PRORP: variants seen among roughly 807,000 people sequenced by gnomAD.
The protein encoded by PRORP is protein only RNase P catalytic subunit, also known as mitochondrial ribonuclease P catalytic subunit.
PRORP carries 51 observed loss-of-function variants against 59.4 expected under a neutral mutation model. The observed-to-expected ratio is 0.86, with a 90% CI of 0.69 to 1.08. The LOEUF (loss-of-function observed/expected upper bound fraction) is 1.08. PRORP is among the 50% of genes least tolerant of loss of function. PRORP has a pLI of 0.00. For synonymous variants in PRORP, 231 were observed against 245.6 expected (o/e 0.94, Z 0.55); for missense variants, 646 against 690.3 (o/e 0.94, Z 0.72).
chr14:35,203,170 T>C (rs2049201208), intron 5 of PRORP, among the ~76,000 whole-genome samples: 1 of 152,228 alleles, frequency 6.6e-6, no homozygotes, highest in African/African-American at 2.4e-5. Context: ...GAGAACTTTT[T>C]TCCATACTTG....
chr14:35,141,106 C>T, intron 4 of PRORP, among the ~76,000 whole-genome samples: 1 of 145,970 alleles, frequency 6.9e-6, no homozygotes, highest in South Asian at 2.2e-4. Context: ...AAATAATTTG[C>T]ATCTACTGAT....
In PRORP at chr14:35,259,855, A is replaced by C. The variant is rs377059118; in HGVS notation, c.1276-6872A>C. Among the ~76,000 whole-genome samples, 56 of 152,328 alleles carry C rather than the reference A, an allele frequency of 3.7e-4. 1 individual carries two copies. The East Asian group carries it at 3.9e-3, about 10-fold the overall frequency. On this transcript the variant is annotated intron_variant, in intron 5 of 7. Transcript: ENST00000534898. ...AGTTGCAGTGAGCCGAGATCAGACT[A>C]CTGCACTCCAGCCTGGCGGACAGCG... is the stretch of plus-strand genomic sequence containing the variant.
At chr14:35,200,660 T>C (rs1420643149) in intron 5 of PRORP, among the ~76,000 whole-genome samples, 1 of 151,550 alleles carries the variant, frequency 6.6e-6, no homozygotes, top group Non-Finnish European at 1.5e-5. Flanking sequence ...GAGAAAATTA[T>C]ATATATGTTA....
chr14:35,205,852 C>G (rs938047899), intron 5 of PRORP, among the ~76,000 whole-genome samples: 1 of 152,074 alleles, frequency 6.6e-6, no homozygotes, highest in Middle Eastern at 3.2e-3. Flanking sequence ...TTGGGGGTTC[C>G]TCTCCAGGAA....
At chr14:35,198,898 G>A (rs1439849394) in intron 5 of PRORP, among the ~76,000 whole-genome samples, 1 of 152,202 alleles carries the variant, frequency 6.6e-6, no homozygotes, top group Non-Finnish European at 1.5e-5. Context: ...CGGGCGTGGT[G>A]GCTTACGCCT....
intron 3 of PRORP, among the ~76,000 whole-genome samples, chr14:35,127,064 A>G (rs1011898421): frequency 2.0e-5 from 3 of 152,192 alleles, no homozygotes; most frequent in Non-Finnish European, 2.9e-5. Context: ...TTAATTCACC[A>G]ATATGATATT....
rs2051180608 is a variant in PRORP at position 35,271,220 on chromosome 14, G to T, written c.1620+624G>T. On this transcript the variant is annotated intron_variant, in intron 7 of 7. Coordinates refer to ENST00000534898, the MANE Select transcript of PRORP (RefSeq NM_014672.4). The stretch of plus-strand genomic sequence containing the variant: ...GTCGCCCAGGCTGGAGTGCAGTGGT[G>T]CAATCTCAGCTCACTACAGCCTCCG... Among the ~76,000 whole-genome samples, 5 of 141,038 alleles carry T rather than the reference G, an allele frequency of 3.5e-5. No homozygotes were observed. In the South Asian group the frequency reaches 9.1e-4, roughly 26 times the overall value. 92.5% of individuals were successfully genotyped at this position (141,038 alleles called of 152,430 possible). A position where few individuals can be genotyped will look rare whatever the true frequency, so the allele number is the denominator to read the frequency against.
At chr14:35,136,284 C>A (rs1469221819) in intron 4 of PRORP, among the ~76,000 whole-genome samples, 2 of 152,160 alleles carry the variant, frequency 1.3e-5, no homozygotes, top group Non-Finnish European at 2.9e-5. Flanking sequence ...CTCCCTAATT[C>A]CTTTTCTTTT....
rs2051292005 is a variant in PRORP at position 35,276,169 on chromosome 14, T to C, written c.*2603T>C. 1 of 152,306 alleles carries C rather than the reference T, an allele frequency of 6.6e-6. No homozygotes were observed. The highest frequency in any genetic ancestry group is 2.4e-5 in the African/African-American group (1 of 41,418). The allele number at this position is 152,306 out of a possible 1,614,324, so 9.4% of individuals were successfully genotyped here. A position where few individuals can be genotyped will look rare whatever the true frequency, so the allele number is the denominator to read the frequency against. ...AAAAAATTTAAAAATTAGCTGGGCA[T>C]GGTAGCACATGCCTGTGGTCCCAGC... On this transcript the variant is annotated 3_prime_UTR_variant, in exon 8 of 8. Transcript: ENST00000534898.
chr14:35,134,231 A>G (rs2047319731), intron 4 of PRORP, among the ~76,000 whole-genome samples: 1 of 152,104 alleles, frequency 6.6e-6, no homozygotes, highest in Non-Finnish European at 1.5e-5. Flanking sequence ...CGTTTCCAAA[A>G]GCAGAGGAGC....
intron 5 of PRORP, among the ~76,000 whole-genome samples, chr14:35,254,128 C>G (rs1266517382): frequency 6.6e-6 from 1 of 151,574 alleles, no homozygotes; most frequent in African/African-American, 2.4e-5. Flanking sequence ...TCCAGCTGTC[C>G]AATCTGTCTT....
intron 5 of PRORP, among the ~76,000 whole-genome samples, chr14:35,184,504 T>G (rs2048695624): frequency 6.6e-6 from 1 of 152,164 alleles, no homozygotes. Flanking sequence ...CTGTTTAATT[T>G]TAACCTAAAT....
At chr14:35,139,666 T>A (rs535421826) in intron 4 of PRORP, among the ~76,000 whole-genome samples, 1 of 146,232 alleles carries the variant, frequency 6.8e-6, no homozygotes, top group Non-Finnish European at 1.5e-5. Context: ...TTTGGTGCTG[T>A]TATAAATAAA....
chr14:35,262,953 A>G, intron 5 of PRORP: 3 of 1,598,160 alleles, frequency 1.9e-6, no homozygotes, highest in Non-Finnish European at 2.6e-6. Flanking sequence ...GCAAGCCACG[A>G]CAGTTAAAAA....
intron 7 of PRORP, among the ~76,000 whole-genome samples, chr14:35,272,451 AAAGT>A (rs1440009587): frequency 1.3e-5 from 2 of 152,190 alleles, no homozygotes; most frequent in Non-Finnish European, 2.9e-5. Context: ...TGTCTCTATA[AAAGT>A]AAGTAAATAA....
At chr14:35,220,522 A>G (rs1422154873) in intron 5 of PRORP, among the ~76,000 whole-genome samples, 3 of 152,164 alleles carry the variant, frequency 2.0e-5, no homozygotes, top group African/African-American at 7.2e-5. Context: ...CCAGCCCCGC[A>G]AAACCTCAGA....
intron 5 of PRORP, among the ~76,000 whole-genome samples, chr14:35,232,483 G>C (rs1378471292): frequency 1.3e-5 from 2 of 152,134 alleles, no homozygotes; most frequent in Non-Finnish European, 2.9e-5. Context: ...AGAAGTTTTT[G>C]ATAGAAAAAC....
intron 4 of PRORP, among the ~76,000 whole-genome samples, chr14:35,151,297 A>G (rs975103973): frequency 6.6e-6 from 1 of 152,022 alleles, no homozygotes; most frequent in Non-Finnish European, 1.5e-5. Flanking sequence ...AATAATGTAA[A>G]TAAGATACTA....
At chr14:35,268,950 A>T (rs1466216232) in intron 6 of PRORP, among the ~76,000 whole-genome samples, 1 of 152,184 alleles carries the variant, frequency 6.6e-6, no homozygotes, top group Non-Finnish European at 1.5e-5. Flanking sequence ...AGCAAGGGAG[A>T]AGCAAACCTC....
Sources: gnomAD v4.1 joint callset for allele counts (sites outside exome capture counted in the v4.1 genomes callset) on GRCh38, gnomAD v4.1.1 for gene constraint, MANE v1.5 for transcripts, NCBI Gene and HGNC (gene_info 2026-07-23, HGNC 2026-07-21) for gene names.